The following CAMKMT variants were observed in gnomAD, a reference collection of about 807,000 sequenced individuals.
CAMKMT encodes CaM KMT.
Under a neutral mutation model 48.0 loss-of-function variants are expected in CAMKMT, and 53 were observed. The observed-to-expected ratio is 1.10, with a 90% CI of 0.89 to 1.39. The LOEUF is 1.39. Among genes scored for constraint, CAMKMT ranks in the 40% most tolerant of loss-of-function variants. The pLI, the probability that CAMKMT is intolerant of heterozygous loss-of-function variation, is 0.00. For synonymous variants in CAMKMT, 165 were observed against 152.3 expected (o/e 1.08, Z -0.61); for missense variants, 428 against 402.7 (o/e 1.06, Z -0.54).
chr2:44,689,944 T>C (rs1036382918), intron 3 of CAMKMT, among the ~76,000 whole-genome samples: 42 of 152,210 alleles, frequency 2.8e-4, no homozygotes, highest in African/African-American at 9.2e-4. Flanking sequence ...TACTTGAAGA[T>C]GTTTTCTGTT....
At chr2:44,687,850 A>G (rs375368127) in intron 3 of CAMKMT, among the ~76,000 whole-genome samples, 40 of 152,350 alleles carry the variant, frequency 2.6e-4, no homozygotes, top group East Asian at 1.5e-3. Flanking sequence ...AAGCAGCCTG[A>G]GTTTTTATTA....
chr2:44,482,094 G>A (rs905063474), intron 3 of CAMKMT, among the ~76,000 whole-genome samples: 1 of 152,002 alleles, frequency 6.6e-6, no homozygotes, highest in African/African-American at 2.4e-5. Flanking sequence ...GCATTTTGAG[G>A]GGAATTTTAG....
intron 1 of CAMKMT, among the ~76,000 whole-genome samples, chr2:44,365,621 G>A (rs948189253): frequency 7.2e-5 from 11 of 152,186 alleles, no homozygotes; most frequent in Non-Finnish European, 1.2e-4. Context: ...AAAGGACTCT[G>A]ATAGGCCAAG....
intron 3 of CAMKMT, among the ~76,000 whole-genome samples, chr2:44,600,101 A>G (rs1469507151): frequency 3.9e-5 from 6 of 152,072 alleles, no homozygotes; most frequent in Non-Finnish European, 8.8e-5. Flanking sequence ...TTATTTCTGT[A>G]TTCTGAAATT....
intron 3 of CAMKMT, among the ~76,000 whole-genome samples, chr2:44,445,819 C>G (rs1022770504): frequency 2.6e-5 from 4 of 151,704 alleles, no homozygotes; most frequent in African/African-American, 9.7e-5. Flanking sequence ...CCCAGTTTGT[C>G]TCTTCTTACT....
rs78987882 is a variant in CAMKMT, at chr2:44,431,766, C to G, written c.376+41461C>G. ...ATCATCTTGTGCTGTCGGGTTAGGC[C>G]TTTCTTCTGGTGGATGCCCCTGATG... On this transcript the variant is annotated intron_variant, in intron 3 of 10. Transcript: ENST00000378494. Among the ~76,000 whole-genome samples, 559 of 152,258 alleles carry G rather than the reference C, an allele frequency of 3.7e-3. 3 individuals carry two copies. Among genetic ancestry groups the G allele is most frequent in the African/African-American group, 0.013 (538 of 41,540 alleles).
chr2:44,394,405 C>G (rs1434178978), intron 3 of CAMKMT, among the ~76,000 whole-genome samples: 1 of 142,392 alleles, frequency 7.0e-6, no homozygotes, highest in Non-Finnish European at 1.5e-5. Context: ...TTTTTGTTTT[C>G]CCTAGTGAAT....
chr2:44,474,012 T>C (rs972799275), intron 3 of CAMKMT, among the ~76,000 whole-genome samples: 1 of 152,218 alleles, frequency 6.6e-6, no homozygotes, highest in Admixed American at 6.5e-5. Context: ...ATTTGGCTAT[T>C]TGCAGCACAA....
intron 9 of CAMKMT, among the ~76,000 whole-genome samples, chr2:44,761,516 T>TA (rs1680618112): frequency 6.6e-6 from 1 of 152,194 alleles, no homozygotes; most frequent in Admixed American, 6.5e-5. Flanking sequence ...ACAAAACAGA[T>TA]AAAAATGATG....
rs548476753 is a variant in CAMKMT at position 44,683,785 on chromosome 2, T to G, written c.377-20498T>G. On this transcript the variant is annotated intron_variant, in intron 3 of 10. Coordinates refer to ENST00000378494, the MANE Select transcript of CAMKMT (RefSeq NM_024766.5). The stretch of plus-strand genomic sequence containing the variant: ...TTGCAGTGAGCCGAGATCGCGCCAC[T>G]GCACACCAGCCTGGGCGACAGAGCG... Among the ~76,000 whole-genome samples the G allele has an allele frequency of 6.0e-5, 7 of 116,400 alleles. No individual in the cohort carries two copies. In the East Asian group the frequency reaches 1.9e-3, roughly 31 times the overall value. The allele number at this position is 116,400 out of a possible 152,430, so 76.4% of individuals were successfully genotyped here. A position where few individuals can be genotyped will look rare whatever the true frequency, so the allele number is the denominator to read the frequency against.
chr2:44,758,585 C>T (rs1680478276), intron 9 of CAMKMT, among the ~76,000 whole-genome samples: 1 of 152,128 alleles, frequency 6.6e-6, no homozygotes, highest in Non-Finnish European at 1.5e-5. Flanking sequence ...TAGATGAAAA[C>T]AATAGAATAG....
chr2:44,527,780 G>T (rs1363055848), intron 3 of CAMKMT, among the ~76,000 whole-genome samples: 11 of 94,286 alleles, frequency 1.2e-4, no homozygotes, highest in East Asian at 2.4e-4. Context: ...TCCCACATGT[G>T]TACAGCCCCC....
At chr2:44,677,267 G>T (rs1675755366) in intron 3 of CAMKMT, among the ~76,000 whole-genome samples, 2 of 152,172 alleles carry the variant, frequency 1.3e-5, no homozygotes, top group Admixed American at 1.3e-4. Context: ...CTTTGAGTGT[G>T]CCAGGAGTTT....
intron 8 of CAMKMT, among the ~76,000 whole-genome samples, chr2:44,752,073 G>C (rs1680176650): frequency 6.6e-6 from 1 of 151,980 alleles, no homozygotes. Context: ...CACAAGATTT[G>C]GAGGGGAGAA....
At chr2:44,371,646 C>A (rs6713195) in intron 1 of CAMKMT, among the ~76,000 whole-genome samples, 23,995 of 152,162 alleles carry the variant, frequency 0.16, 6,059 homozygotes, top group African/African-American at 0.54. Context: ...AGCTTCAACA[C>A]TGTTAACTCA....
At chr2:44,517,588 C>T (rs1670896678) in intron 3 of CAMKMT, among the ~76,000 whole-genome samples, 1 of 152,126 alleles carries the variant, frequency 6.6e-6, no homozygotes, top group Non-Finnish European at 1.5e-5. Context: ...TGAGGACTGT[C>T]CAGCCTTTCT....
chr2:44,634,455 C>G (rs912070839), intron 3 of CAMKMT, among the ~76,000 whole-genome samples: 1 of 152,014 alleles, frequency 6.6e-6, no homozygotes, highest in African/African-American at 2.4e-5. Flanking sequence ...TGGAGGTCAA[C>G]TCTAGTACCA....
intron 3 of CAMKMT, among the ~76,000 whole-genome samples, chr2:44,619,278 T>C (rs1672050695): frequency 6.6e-6 from 1 of 152,168 alleles, no homozygotes; most frequent in South Asian, 2.1e-4. Context: ...TCTACTAATA[T>C]CAGAAAATTG....
intron 3 of CAMKMT, among the ~76,000 whole-genome samples, chr2:44,468,925 C>A (rs1381342478): frequency 6.6e-6 from 1 of 151,666 alleles, no homozygotes; most frequent in African/African-American, 2.4e-5. Context: ...GTCTCAAAAA[C>A]AACAACAAAA....
Sources: allele counts gnomAD v4.1 joint callset (sites outside exome capture counted in the v4.1 genomes callset), GRCh38; gene constraint gnomAD v4.1.1; transcripts MANE v1.5; gene names NCBI Gene and HGNC (gene_info 2026-07-23, HGNC 2026-07-21).